PRDM15: variants seen among roughly 807,000 people sequenced by gnomAD.
PRDM15 encodes PR/SET domain 15, also known as PR domain zinc finger protein 15.
A neutral mutation model predicts 128.6 loss-of-function variants in PRDM15; 64 were observed. The observed-to-expected ratio is 0.50, with a 90% CI of 0.41 to 0.61. The LOEUF (loss-of-function observed/expected upper bound fraction) is 0.61. PRDM15 is among the 20% of genes least tolerant of loss of function. PRDM15 has a pLI of 0.00. For missense variants in PRDM15, 1,242 were observed against 1,569.1 expected (o/e 0.79, Z 3.52); for synonymous variants, 615 against 621.8 (o/e 0.99, Z 0.16).
chr21:41,836,349 C>T lies in PRDM15; in HGVS notation c.1183+119G>A, dbSNP rs933949507. 1.9e-5 allele frequency: 25 copies of T among 1,303,928 alleles called. No homozygotes were observed. The South Asian group carries it at 3.1e-4, about 16-fold the overall frequency. 80.8% of individuals were successfully genotyped at this position (1,303,928 alleles called of 1,614,324 possible). A position where few individuals can be genotyped will look rare whatever the true frequency, so the allele number is the denominator to read the frequency against. The stretch of plus-strand genomic sequence containing the variant: ...AGAGATGATCGCCCACAAATGCAGC[C>T]TCTCACTGGCGCAGCTCGTGGGAGA... On this transcript the variant is annotated intron_variant, in intron 9 of 23. Coordinates refer to ENST00000398548, the MANE Select transcript of PRDM15 (RefSeq NM_001040424.3).
At chr21:41,867,509 A>G (rs1277220505) in intron 1 of PRDM15, 1 of 637,400 alleles carries the variant, frequency 1.6e-6, no homozygotes, top group Non-Finnish European at 2.7e-6. Flanking sequence ...ACAGGCGTGA[A>G]CATAGCGCAC....
At chr21:41,851,140 C>T (rs1485311903) in intron 5 of PRDM15, among the ~76,000 whole-genome samples, 1 of 152,050 alleles carries the variant, frequency 6.6e-6, no homozygotes, top group African/African-American at 2.4e-5. Context: ...CAAAAGGCCT[C>T]CTTTTCTCCC....
chr21:41,836,418 C>A (rs1375401279), intron 9 of PRDM15, 50 bp downstream of exon 9: 1 of 1,561,924 alleles, frequency 6.4e-7, no homozygotes, highest in Non-Finnish European at 8.7e-7. Flanking sequence ...CCACCCCCAG[C>A]CCCAGTCCTG....
In PRDM15 at chr21:41,810,168, G is replaced by A. The variant is rs762099282; in HGVS notation, c.2638C>T (p.Arg880Cys). The A allele has an allele frequency of 3.7e-6, 6 of 1,608,912 alleles. No individual in the cohort carries two copies. In the Admixed American group the frequency reaches 5.0e-5, roughly 13 times the overall value. ...CACCAGCTCACCTCGGGGTGCTTGC[G>A]CCGCATGTGTCGGCTCATGGAGGCC... Reference protein sequence around the residue: ...TRASMSRHMRRKHPEVLAVRI... With the variant: ...TRASMSRHMRCKHPEVLAVRI... The change falls in exon 21 of 24, where the codon CGC becomes TGC. Residue 880 changes from arginine (R) to cysteine (C), a missense_variant. Physicochemically the swap from Arg to Cys is radical, Grantham distance 180. Transcript: ENST00000398548. The surrounding 1 kb of genome is among the most constrained non-coding windows in gnomAD (Gnocchi z 6.4).
chr21:41,806,818 T>C (rs948709468), intron 21 of PRDM15, among the ~76,000 whole-genome samples: 1 of 146,564 alleles, frequency 6.8e-6, no homozygotes, highest in African/African-American at 2.6e-5. Flanking sequence ...TCCATCACTA[T>C]CATTACCATC....
chr21:41,874,915 G>A (rs1241068487), intron 1 of PRDM15: 6 of 152,240 alleles, frequency 3.9e-5, no homozygotes, highest in African/African-American at 1.4e-4. Flanking sequence ...AAGCAAGGAA[G>A]AGCTGAGCCG....
Position 41,859,539 on chromosome 21 carries a change from C to A in PRDM15, c.131+53G>T, listed in dbSNP as rs1601430808. 24 of 1,458,336 alleles carry A rather than the reference C, an allele frequency of 1.6e-5. No homozygotes were observed. The highest frequency in any genetic ancestry group is 2.3e-5 in the Non-Finnish European group (24 of 1,045,648). The allele number at this position is 1,458,336 out of a possible 1,614,324, so 90.3% of individuals were successfully genotyped here. ...GTCTGCAGACCCAAAGGCCACTAGG[C>A]TCCTGCCGCAGCTGGCATATGGAAG... On this transcript the variant is annotated intron_variant, in intron 3 of 23. Coordinates refer to ENST00000398548, the MANE Select transcript of PRDM15 (RefSeq NM_001040424.3). This position sits in a 1 kb window ranked among gnomAD's most constrained non-coding sequence, Gnocchi z 5.3.
Position 41,879,182 on chromosome 21 carries a change from G to A in PRDM15, c.-10+88C>T, listed in dbSNP as rs1189337406. ...GCGGGGGGCAGCGGGCCCAGGGCGC[G>A]CCGGGGCTCGCGGGGGCAGCGGGTG... On this transcript the variant is annotated intron_variant, in intron 1 of 23. Coordinates refer to ENST00000398548, the MANE Select transcript of PRDM15 (RefSeq NM_001040424.3). This position sits in a 1 kb window ranked among gnomAD's most constrained non-coding sequence, Gnocchi z 5.1. The A allele has an allele frequency of 3.6e-6, 3 of 833,446 alleles. No individual in the cohort carries two copies. The highest frequency in any genetic ancestry group is 3.8e-5 in the African/African-American group (2 of 52,134). 51.6% of individuals were successfully genotyped at this position (833,446 alleles called of 1,614,324 possible).
chr21:41,879,322 C>G lies in PRDM15; in HGVS notation c.-62G>C. The G allele has an allele frequency of 9.1e-7, 1 of 1,096,240 alleles. No individual in the cohort carries two copies. The highest frequency in any genetic ancestry group is 1.1e-6 in the Non-Finnish European group (1 of 891,990). The allele number at this position is 1,096,240 out of a possible 1,614,324, so 67.9% of individuals were successfully genotyped here. On this transcript the variant is annotated 5_prime_UTR_variant, in exon 1 of 24. Coordinates refer to ENST00000398548, the MANE Select transcript of PRDM15 (RefSeq NM_001040424.3). This position sits in a 1 kb window ranked among gnomAD's most constrained non-coding sequence, Gnocchi z 5.1. The stretch of plus-strand genomic sequence containing the variant: ...CGGATCCGGACTCCGGGTTGCGATC[C>G]GCTCCGGAAACTGCGCAGCACCGGA...
At chr21:41,809,936 C>A (rs112313608) in intron 21 of PRDM15, among the ~76,000 whole-genome samples, 1 of 152,296 alleles carries the variant, frequency 6.6e-6, no homozygotes, top group African/African-American at 2.4e-5. Flanking sequence ...TAATTTATAA[C>A]CTTAGCAAAG....
At chr21:41,861,670 C>G (rs573114210) in intron 1 of PRDM15, 4 of 1,614,152 alleles carry the variant, frequency 2.5e-6, no homozygotes, top group Admixed American at 1.7e-5. Flanking sequence ...CCCTCCACCC[C>G]GCTCATCCCC....
Position 41,835,511 on chromosome 21 carries a change from T to C in PRDM15, c.1292A>G (p.Tyr431Cys). 2 of 1,609,198 alleles carry C rather than the reference T, an allele frequency of 1.2e-6. No individual in the cohort carries two copies. Among genetic ancestry groups the C allele is most frequent in the Non-Finnish European group, 1.7e-6 (2 of 1,179,426 alleles). ...CTCACAAGTGCCGCAGCGGTACCTG[T>C]ACTCGCCGTCCACCTGGTCAGAGGG... Reference protein sequence around the residue: ...KHSRNEVDGEYRYRCGTCEKT... With the variant: ...KHSRNEVDGECRYRCGTCEKT... The change falls in exon 11 of 24, where the codon TAC becomes TGC. Residue 431 changes from tyrosine to cysteine, a missense_variant. By Grantham distance (194) the Tyr-to-Cys change is radical. Around this residue, in one of 3 missense-constraint regions of PRDM15, gnomAD observed 612 missense variants for 717.0 expected, o/e 0.85. Transcript: ENST00000398548.
At chr21:41,824,687 C>T (rs947906586) in intron 13 of PRDM15, among the ~76,000 whole-genome samples, 1 of 152,188 alleles carries the variant, frequency 6.6e-6, no homozygotes, top group African/African-American at 2.4e-5. Flanking sequence ...GCCCAGCTCG[C>T]AAAGTCACTC....
At position 41,839,533 on chromosome 21, in the gene PRDM15, C is replaced by T. The variant is rs935249960; in HGVS notation, c.871+90G>A. The T allele has an allele frequency of 6.7e-5, 71 of 1,067,156 alleles. No homozygotes were observed. The South Asian group carries it at 7.5e-4, about 11-fold the overall frequency. The allele number at this position is 1,067,156 out of a possible 1,614,324, so 66.1% of individuals were successfully genotyped here. ...GGCCTTTCTACACTGAGTTTTCCCG[C>T]CCCGCCCTCTGCCCCCTGCCCCGCC... On this transcript the variant is annotated intron_variant, in intron 7 of 23. Transcript: ENST00000398548.
At chr21:41,845,566 G>T (rs1450734162) in intron 6 of PRDM15, among the ~76,000 whole-genome samples, 1 of 151,836 alleles carries the variant, frequency 6.6e-6, no homozygotes, top group Non-Finnish European at 1.5e-5. Flanking sequence ...CCTCAAGGCT[G>T]CCGTGCTGTG....
At chr21:41,848,804 G>A (rs955326368) in intron 5 of PRDM15, among the ~76,000 whole-genome samples, 1 of 152,206 alleles carries the variant, frequency 6.6e-6, no homozygotes, top group African/African-American at 2.4e-5. Context: ...TTGTCATGAC[G>A]ACTGCCCGCT....
At position 41,879,314 on chromosome 21, in the gene PRDM15, T is replaced by C; in HGVS notation, c.-54A>G. On this transcript the variant is annotated 5_prime_UTR_variant, in exon 1 of 24. Coordinates refer to ENST00000398548, the MANE Select transcript of PRDM15 (RefSeq NM_001040424.3). The surrounding 1 kb of genome is among the most constrained non-coding windows in gnomAD (Gnocchi z 5.1). ...AGCGGGATCGGATCCGGACTCCGGG[T>C]TGCGATCCGCTCCGGAAACTGCGCA... The C allele has an allele frequency of 9.2e-7, 1 of 1,092,772 alleles. No individual in the cohort carries two copies. Among genetic ancestry groups the C allele is most frequent in the Non-Finnish European group, 1.1e-6 (1 of 889,782 alleles). The allele number at this position is 1,092,772 out of a possible 1,614,324, so 67.7% of individuals were successfully genotyped here. A position where few individuals can be genotyped will look rare whatever the true frequency, so the allele number is the denominator to read the frequency against.
rs372762092 is a variant in PRDM15 at position 41,802,888 on chromosome 21, C to T, written c.2767G>A (p.Glu923Lys). The T allele has an allele frequency of 1.4e-5, 23 of 1,613,994 alleles. No homozygotes were observed. The highest frequency in any genetic ancestry group is 8.9e-5 in the East Asian group (4 of 44,900). Residue 923 changes from glutamate to lysine, a missense_variant, in exon 23 of 24, where the codon GAA becomes AAA. Glu to Lys is a moderately conservative substitution (Grantham distance 56). This residue lies in a region of PRDM15 where 602 missense variants were observed against 788.3 expected (regional missense o/e 0.76). Transcript: ENST00000398548. ...ELTLEQEDLA[E>K]GKHGKAAKRS... ...TTGGCAGCTTTCCCGTGCTTCCCTT[C>T]GGCCAAATCCTCCTGCTCCAGAGTC...
intron 4 of PRDM15, among the ~76,000 whole-genome samples, chr21:41,855,400 A>G (rs1013833170): frequency 3.3e-5 from 5 of 152,206 alleles, no homozygotes; most frequent in African/African-American, 1.2e-4. Flanking sequence ...TTTGAAGTTC[A>G]AATCAACCAC....
Sources: allele counts gnomAD v4.1 joint callset (sites outside exome capture counted in the v4.1 genomes callset), GRCh38; gene constraint gnomAD v4.1.1; regional missense constraint gnomAD v4.1.1; non-coding constraint Gnocchi (gnomAD v3.1); transcripts MANE v1.5; gene names NCBI Gene and HGNC (gene_info 2026-07-23, HGNC 2026-07-21).